AFG2A: variants seen among roughly 807,000 people sequenced by gnomAD.
AFG2A encodes AAA ATPase AFG2A, also known as ATPase family gene 2 protein homolog A.
chr4:122,945,917 G>A, the AFG2A span, among the ~76,000 whole-genome samples: 3 of 152,290 alleles, frequency 2.0e-5, no homozygotes, highest in East Asian at 5.8e-4. Flanking sequence ...GTAAGAGAAG[G>A]GTTGTCACCT....
the AFG2A span, among the ~76,000 whole-genome samples, chr4:123,221,363 G>T: frequency 6.6e-6 from 1 of 151,948 alleles, no homozygotes; most frequent in African/African-American, 2.4e-5. Flanking sequence ...TGGTCTCATT[G>T]TGTTGCCCAA....
At chr4:123,199,047 A>C in the AFG2A span, among the ~76,000 whole-genome samples, 1 of 152,152 alleles carries the variant, frequency 6.6e-6, no homozygotes, top group African/African-American at 2.4e-5. Context: ...CCATTGATGA[A>C]GGCTGGCGGT....
At chr4:123,030,973 T>C in the AFG2A span, among the ~76,000 whole-genome samples, 1 of 152,208 alleles carries the variant, frequency 6.6e-6, no homozygotes, top group Non-Finnish European at 1.5e-5. Flanking sequence ...AACTCTCCTA[T>C]AGGTTTAAAA....
chr4:123,162,598 G>T, the AFG2A span, among the ~76,000 whole-genome samples: 3 of 152,106 alleles, frequency 2.0e-5, no homozygotes, highest in East Asian at 3.9e-4. Context: ...AGAATTCATA[G>T]TCTCAAATAA....
At chr4:123,143,315 T>G in the AFG2A span, among the ~76,000 whole-genome samples, 3 of 152,078 alleles carry the variant, frequency 2.0e-5, no homozygotes, top group Non-Finnish European at 4.4e-5. Context: ...TTTTACAAAA[T>G]ATTTCAGCAA....
At chr4:123,011,774 G>A in the AFG2A span, among the ~76,000 whole-genome samples, 1 of 152,126 alleles carries the variant, frequency 6.6e-6, no homozygotes. Context: ...AGGAATGGAG[G>A]GTGGAAGGTT....
chr4:122,983,942 A>G, the AFG2A span, among the ~76,000 whole-genome samples: 1 of 152,168 alleles, frequency 6.6e-6, no homozygotes, highest in Non-Finnish European at 1.5e-5. Context: ...GGAGAGTACT[A>G]CATCAACGGA....
At chr4:122,958,624 C>G in the AFG2A span, among the ~76,000 whole-genome samples, 1 of 152,162 alleles carries the variant, frequency 6.6e-6, no homozygotes, top group Non-Finnish European at 1.5e-5. Flanking sequence ...ACTGAATCCC[C>G]CTGACAAGAG....
At chr4:123,289,983 T>C in the AFG2A span, among the ~76,000 whole-genome samples, 1,399 of 152,258 alleles carry the variant, frequency 9.2e-3, 25 homozygotes, top group South Asian at 0.086. Flanking sequence ...CCAGTATGCA[T>C]TCACTGTTTA....
the AFG2A span, among the ~76,000 whole-genome samples, chr4:123,261,119 A>G: frequency 9.2e-5 from 14 of 152,294 alleles, no homozygotes; most frequent in East Asian, 3.9e-4. Context: ...ATTGTCTTCC[A>G]CAAAACCAGT....
At chr4:123,287,030 C>G in the AFG2A span, among the ~76,000 whole-genome samples, 8 of 152,114 alleles carry the variant, frequency 5.3e-5, no homozygotes, top group African/African-American at 1.2e-4. Flanking sequence ...TTGAACCAGA[C>G]ATGCTTCACC....
chr4:123,269,510 G>C, the AFG2A span, among the ~76,000 whole-genome samples: 1 of 152,182 alleles, frequency 6.6e-6, no homozygotes, highest in African/African-American at 2.4e-5. Flanking sequence ...AGTCCATCTT[G>C]ACAAGTTTGC....
chr4:123,318,477 A>G, the AFG2A span: 4 of 152,212 alleles, frequency 2.6e-5, no homozygotes, highest in African/African-American at 7.2e-5. Flanking sequence ...CAATTCTTCT[A>G]TTTGAAGCTT....
chr4:123,315,042 C>A, the AFG2A span: 2 of 150,054 alleles, frequency 1.3e-5, no homozygotes, highest in African/African-American at 4.9e-5. Context: ...AGGCGTGAGC[C>A]ACCATACCTG....
chr4:123,205,728 G>A, the AFG2A span, among the ~76,000 whole-genome samples: 1 of 152,074 alleles, frequency 6.6e-6, no homozygotes, highest in East Asian at 1.9e-4. Context: ...CAAGACAACT[G>A]TATATACTTT....
the AFG2A span, among the ~76,000 whole-genome samples, chr4:123,271,430 T>C: frequency 3.3e-5 from 5 of 152,332 alleles, no homozygotes; most frequent in South Asian, 4.1e-4. Context: ...ATCATTTTAT[T>C]ATCAAGAATT....
chr4:122,991,921 T>TA, the AFG2A span, among the ~76,000 whole-genome samples: 39 of 152,344 alleles, frequency 2.6e-4, no homozygotes, highest in Non-Finnish European at 4.7e-4. Context: ...AGTTTTTTTT[T>TA]ATCTGCAATA....
the AFG2A span, among the ~76,000 whole-genome samples, chr4:123,062,682 A>T: frequency 3.3e-5 from 5 of 152,176 alleles, no homozygotes; most frequent in South Asian, 1.0e-3. Flanking sequence ...ACTGAATACC[A>T]TTGTAGGTAG....
the AFG2A span, among the ~76,000 whole-genome samples, chr4:123,104,411 A>T: frequency 6.6e-6 from 1 of 152,246 alleles, no homozygotes; most frequent in African/African-American, 2.4e-5. Flanking sequence ...ACTCCCTGAG[A>T]CACAACAGTA....
Sources: gnomAD v4.1 joint callset for allele counts (sites outside exome capture counted in the v4.1 genomes callset) on GRCh38, gnomAD v4.1.1 for gene constraint, MANE v1.5 for transcripts, NCBI Gene and HGNC (gene_info 2026-07-23, HGNC 2026-07-21) for gene names.